Variants in DIAPH2 observed in about 807,000 individuals in gnomAD.
The protein encoded by DIAPH2 is diaphanous related formin 2.
DIAPH2 carries 35 observed loss-of-function variants against 92.7 expected under a neutral mutation model. The ratio of observed to expected loss-of-function variants is 0.38; its 90% confidence interval spans 0.29 to 0.50. The LOEUF (loss-of-function observed/expected upper bound fraction) is 0.50, where lower values mean the gene tolerates loss of function less well. Among genes scored for constraint, DIAPH2 ranks in the 20% least tolerant of loss-of-function variants. DIAPH2 has a pLI of 0.94. For missense variants in DIAPH2, 701 were observed against 819.5 expected, an observed-to-expected ratio of 0.86 and a Z score of 1.77; for synonymous variants, 301 against 280.4, an observed-to-expected ratio of 1.07 and a Z score of -0.73.
intron 23 of DIAPH2, among the ~76,000 whole-genome samples, chrX:97,262,275 G>A (rs1350155634): frequency 9.0e-6 from 1 of 111,246 alleles, no homozygotes; most frequent in Non-Finnish European, 1.9e-5. Flanking sequence ...AGTTGGCCAG[G>A]GCAGGACCCC....
intron 14 of DIAPH2, among the ~76,000 whole-genome samples, chrX:96,947,337 G>A (rs1327349250): frequency 9.0e-6 from 1 of 111,238 alleles, no homozygotes; most frequent in African/African-American, 3.3e-5. Flanking sequence ...TTAGGAGTGG[G>A]GATGGGAGTA....
At chrX:97,142,348 GTTTT>G (rs2067213909) in intron 22 of DIAPH2, among the ~76,000 whole-genome samples, 3 of 111,338 alleles carry the variant, frequency 2.7e-5, no homozygotes, top group Non-Finnish European at 5.7e-5. Context: ...TGAGGTTAGG[GTTTT>G]ACAGACATGG....
intron 4 of DIAPH2, among the ~76,000 whole-genome samples, chrX:96,787,185 C>G (rs895517421): frequency 9.0e-6 from 1 of 111,570 alleles, no homozygotes; most frequent in Admixed American, 9.6e-5. Context: ...TTACAGTAAA[C>G]CTGTGGAATT....
At chrX:96,734,604 G>A (rs2147565088) in intron 1 of DIAPH2, among the ~76,000 whole-genome samples, 1 of 111,703 alleles carries the variant, frequency 9.0e-6, no homozygotes, top group African/African-American at 3.2e-5. Flanking sequence ...ATTGGGGTTT[G>A]TGTCAGCAGG....
chrX:96,696,616 A>G (rs181081708), intron 1 of DIAPH2, among the ~76,000 whole-genome samples: 103 of 112,005 alleles, frequency 9.2e-4, no homozygotes, highest in African/African-American at 3.2e-3. Context: ...CTTTTTAACT[A>G]TGAATTGTAC....
intron 14 of DIAPH2, among the ~76,000 whole-genome samples, chrX:96,947,376 G>C (rs1380232760): frequency 9.0e-6 from 1 of 111,228 alleles, no homozygotes; most frequent in Non-Finnish European, 1.9e-5. Flanking sequence ...AACACGGATA[G>C]TAGTAAAGGC....
intron 4 of DIAPH2, among the ~76,000 whole-genome samples, chrX:96,774,088 C>A (rs1484818285): frequency 9.0e-6 from 1 of 111,439 alleles, no homozygotes; most frequent in Non-Finnish European, 1.9e-5. Context: ...TCATGTAAAA[C>A]CTAATTTAAT....
chrX:97,353,589 G>A (rs975179932), intron 24 of DIAPH2, among the ~76,000 whole-genome samples: 12 of 110,534 alleles, frequency 1.1e-4, no homozygotes, highest in African/African-American at 3.6e-4. Flanking sequence ...TAGGAATAAG[G>A]CTTTGCAGAA....
chrX:97,477,024 CAT>C (rs1569407509), intron 26 of DIAPH2, among the ~76,000 whole-genome samples: 29 of 92,841 alleles, frequency 3.1e-4, no homozygotes, highest in South Asian at 1.1e-3. Flanking sequence ...CACACACACA[CAT>C]ACACACACAC....
chrX:97,387,101 G>A (rs774215466), intron 25 of DIAPH2, among the ~76,000 whole-genome samples: 8 of 111,207 alleles, frequency 7.2e-5, no homozygotes, highest in Non-Finnish European at 1.3e-4. Context: ...GTCTCACTCT[G>A]TCACCCATGA....
intron 26 of DIAPH2, among the ~76,000 whole-genome samples, chrX:97,570,710 T>A (rs973387000): frequency 9.0e-6 from 1 of 111,271 alleles, no homozygotes; most frequent in Non-Finnish European, 1.9e-5. Context: ...TGTATTTTCT[T>A]ATATATTAAT....
chrX:96,994,152 T>C (rs1475992585), intron 17 of DIAPH2, among the ~76,000 whole-genome samples: 1 of 112,021 alleles, frequency 8.9e-6, no homozygotes, highest in Non-Finnish European at 1.9e-5. Flanking sequence ...TTAGGAGTTT[T>C]TTAAACAAGT....
intron 1 of DIAPH2, among the ~76,000 whole-genome samples, chrX:96,693,876 A>G (rs757308859): frequency 5.4e-5 from 6 of 111,846 alleles, no homozygotes; most frequent in Non-Finnish European, 9.4e-5. Flanking sequence ...CTCTACTAAA[A>G]ATACAAAAAT....
rs202046146 is a variant in DIAPH2, at chrX:97,312,345, C to CATTTTTTTTTTTTTTT, written c.2845-35771_2845-35770insATTTTTTTTTTTTTTT. 1.6e-4 allele frequency among the ~76,000 whole-genome samples: 9 copies of CATTTTTTTTTTTTTTT among 54,945 alleles called. 1 individual carries two copies. The highest frequency in any genetic ancestry group is 1.5e-4 in the Non-Finnish European group (5 of 32,558). 47.7% of individuals were successfully genotyped at this position (54,945 alleles called of 115,157 possible). A position where few individuals can be genotyped will look rare whatever the true frequency, so the allele number is the denominator to read the frequency against. On this transcript the variant is annotated intron_variant, in intron 23 of 26. Transcript: ENST00000324765. ...TTGATCACTTTTGATCAATAGAATC[C>CATTTTTTTTTTTTTTT]TTTTTTTTTTTTTTTTTTTTTTTTT...
intron 22 of DIAPH2, among the ~76,000 whole-genome samples, chrX:97,182,850 A>T (rs1022182111): frequency 2.1e-4 from 23 of 111,282 alleles, no homozygotes; most frequent in African/African-American, 7.5e-4. Context: ...AGATGAACAT[A>T]TGGTACTAGA....
intron 22 of DIAPH2, among the ~76,000 whole-genome samples, chrX:97,156,897 A>G (rs991675533): frequency 2.7e-5 from 3 of 111,864 alleles, no homozygotes; most frequent in Non-Finnish European, 5.6e-5. Context: ...TTCAGATCCA[A>G]TAATCTCAGT....
At chrX:96,865,582 A>G (rs2065099644) in intron 4 of DIAPH2, among the ~76,000 whole-genome samples, 2 of 112,046 alleles carry the variant, frequency 1.8e-5, no homozygotes, top group South Asian at 3.7e-4. Flanking sequence ...AGTTGTAGAA[A>G]GAGGTAGGGG....
At chrX:96,797,630 CA>C (rs1472828022) in intron 4 of DIAPH2, among the ~76,000 whole-genome samples, 7 of 112,032 alleles carry the variant, frequency 6.2e-5, no homozygotes, top group Non-Finnish European at 1.3e-4. Context: ...GGAGCAGGAG[CA>C]AGAGACGGAG....
intron 4 of DIAPH2, among the ~76,000 whole-genome samples, chrX:96,818,227 C>G (rs1234232271): frequency 9.2e-6 from 1 of 108,641 alleles, no homozygotes; most frequent in African/African-American, 3.4e-5. Context: ...GATCAGCCCA[C>G]CTCGGCCTCC....
Sources: gnomAD v4.1 joint callset for allele counts (sites outside exome capture counted in the v4.1 genomes callset) on GRCh38, gnomAD v4.1.1 for gene constraint, MANE v1.5 for transcripts, NCBI Gene and HGNC (gene_info 2026-07-23, HGNC 2026-07-21) for gene names.